The following DAB1 variants were observed in gnomAD, a reference collection of about 807,000 sequenced individuals.
The protein encoded by DAB1 is disabled homolog 1.
Under a neutral mutation model 64.6 loss-of-function variants are expected in DAB1, and 15 were observed. The ratio of observed to expected loss-of-function variants is 0.23; its 90% CI spans 0.16 to 0.36. The LOEUF is 0.36. DAB1 is among the 10% of genes least tolerant of loss of function. DAB1 has a pLI of 1.00. For synonymous variants in DAB1, 235 were observed against 251.9 expected (o/e 0.93, Z 0.64); for missense variants, 596 against 706.7 (o/e 0.84, Z 1.78).
intron 7 of DAB1, among the ~76,000 whole-genome samples, chr1:57,522,100 A>C (rs1644534408): frequency 6.7e-6 from 1 of 149,482 alleles, no homozygotes; most frequent in African/African-American, 2.5e-5. Flanking sequence ...ACAGAGCGAG[A>C]CTCCATCTCA....
chr1:58,074,527 T>TATATATATATATATATATACACAC (rs1649479201), intron 5 of DAB1: 1 of 108,330 alleles, frequency 9.2e-6, no homozygotes, highest in Non-Finnish European at 1.8e-5. Context: ...TATATACATA[T>TATATATATATATATATATACACAC]ATATATATAT....
At chr1:57,305,649 C>T (rs1260688407) in intron 1 of DAB1, among the ~76,000 whole-genome samples, 1 of 152,118 alleles carries the variant, frequency 6.6e-6, no homozygotes, top group African/African-American at 2.4e-5. Flanking sequence ...TGTAACAGAG[C>T]ATAAAACAGA....
In DAB1 at chr1:58,382,469, A is replaced by G. The variant is rs900791922; in HGVS notation, n.258-39066T>C. 2.0e-5 allele frequency among the ~76,000 whole-genome samples: 3 copies of G among 152,256 alleles called. No individual in the cohort carries two copies. In the East Asian group the frequency reaches 5.8e-4, roughly 29 times the overall value. ...AACCCAGATGTCTCCAAGAGCTATC[A>G]CATATGGCTGAATGATTCATAGCCC... On this transcript the variant is annotated intron_variant and non_coding_transcript_variant, in intron 3 of 20. Transcript: ENST00000485760.
At chr1:57,431,634 G>A (rs1685520120) in intron 7 of DAB1, among the ~76,000 whole-genome samples, 1 of 152,202 alleles carries the variant, frequency 6.6e-6, no homozygotes, top group Admixed American at 6.5e-5. Context: ...GTAGCGGACA[G>A]CAGCAACACT....
At chr1:58,176,133 A>G (rs1303957843) in intron 4 of DAB1, among the ~76,000 whole-genome samples, 4 of 152,082 alleles carry the variant, frequency 2.6e-5, no homozygotes, top group Non-Finnish European at 4.4e-5. Context: ...GATGTTCTTA[A>G]CCCTGTAGGC....
chr1:57,005,059 C>T (rs1019006289), intron 14 of DAB1, among the ~76,000 whole-genome samples: 8 of 152,168 alleles, frequency 5.3e-5, no homozygotes, highest in African/African-American at 1.9e-4. Context: ...GAAAAGTCTT[C>T]TAAACACTGA....
At chr1:57,982,001 T>C (rs1646077598) in intron 5 of DAB1, among the ~76,000 whole-genome samples, 1 of 152,222 alleles carries the variant, frequency 6.6e-6, no homozygotes, top group Non-Finnish European at 1.5e-5. Context: ...CATACTGCCT[T>C]TGGATCAACT....
intron 3 of DAB1, among the ~76,000 whole-genome samples, chr1:58,441,787 G>A (rs559517128): frequency 4.3e-4 from 66 of 152,290 alleles, no homozygotes; most frequent in African/African-American, 7.7e-4. Flanking sequence ...CAGGACTGAC[G>A]TTAATTTATG....
chr1:57,572,943 A>C (rs1220076726), intron 7 of DAB1, among the ~76,000 whole-genome samples: 1 of 152,146 alleles, frequency 6.6e-6, no homozygotes, highest in Non-Finnish European at 1.5e-5. Flanking sequence ...TGAAGACAGC[A>C]CCAAACCATT....
chr1:58,159,238 A>C (rs909813369), intron 4 of DAB1, among the ~76,000 whole-genome samples: 9 of 152,234 alleles, frequency 5.9e-5, no homozygotes, highest in Non-Finnish European at 1.0e-4. Context: ...ATACATGTAC[A>C]GCATGTAGGA....
At chr1:57,659,112 G>A (rs1037519199) in intron 6 of DAB1, among the ~76,000 whole-genome samples, 2 of 152,020 alleles carry the variant, frequency 1.3e-5, no homozygotes, top group East Asian at 3.9e-4. Flanking sequence ...ATGCCTCCTG[G>A]AGGCACAAGT....
chr1:57,338,284 C>T (rs1318475562), intron 1 of DAB1, among the ~76,000 whole-genome samples: 4 of 152,106 alleles, frequency 2.6e-5, no homozygotes, highest in Non-Finnish European at 4.4e-5. Context: ...CGCACCCAAC[C>T]TCATGCTTTC....
intron 6 of DAB1, among the ~76,000 whole-genome samples, chr1:57,819,566 G>A (rs1462706144): frequency 6.6e-6 from 1 of 152,186 alleles, no homozygotes; most frequent in Non-Finnish European, 1.5e-5. Context: ...TCAAGAACAA[G>A]TTAAGAGAGA....
chr1:57,179,196 C>T (rs113774241), intron 2 of DAB1, among the ~76,000 whole-genome samples: 66 of 152,248 alleles, frequency 4.3e-4, no homozygotes, highest in African/African-American at 1.6e-3. Context: ...TCTACACACC[C>T]TATTTAATGA....
At chr1:57,848,531 A>T (rs1275503211) in intron 1 of DAB1, among the ~76,000 whole-genome samples, 1 of 152,224 alleles carries the variant, frequency 6.6e-6, no homozygotes, top group Non-Finnish European at 1.5e-5. Flanking sequence ...GATCACTTCT[A>T]CTGAGTCACA....
intron 4 of DAB1, among the ~76,000 whole-genome samples, chr1:58,195,403 G>A (rs1240546479): frequency 6.6e-6 from 1 of 152,212 alleles, no homozygotes; most frequent in Middle Eastern, 3.4e-3. Context: ...AGACATAGAG[G>A]CACAAAGACA....
At chr1:57,074,261 T>C (rs146102461) in intron 4 of DAB1, among the ~76,000 whole-genome samples, 65 of 152,358 alleles carry the variant, frequency 4.3e-4, no homozygotes, top group African/African-American at 1.5e-3. Context: ...ATGGTTTAAA[T>C]AGTCCAAATA....
intron 1 of DAB1, among the ~76,000 whole-genome samples, chr1:57,384,108 A>C (rs115833330): frequency 0.014 from 2,095 of 152,302 alleles, 46 homozygotes; most frequent in African/African-American, 0.047. Flanking sequence ...TCTCCAAAGA[A>C]GACATACAAA....
chr1:58,503,514 G>C (rs962952480), intron 3 of DAB1, among the ~76,000 whole-genome samples: 1 of 151,998 alleles, frequency 6.6e-6, no homozygotes, highest in Non-Finnish European at 1.5e-5. Flanking sequence ...TCTGTGTCCT[G>C]TCAAAATTTA....
Sources: allele counts gnomAD v4.1 joint callset (sites outside exome capture counted in the v4.1 genomes callset), GRCh38; gene constraint gnomAD v4.1.1; transcripts MANE v1.5; gene names NCBI Gene and HGNC (gene_info 2026-07-23, HGNC 2026-07-21).